Variants in C7 observed in about 807,000 individuals in gnomAD.
C7 encodes complement component C7.
C7 carries 83 observed loss-of-function variants against 104.8 expected under a neutral mutation model. That is an observed-to-expected ratio of 0.79 (90% confidence interval 0.66 to 0.95). The LOEUF (loss-of-function observed/expected upper bound fraction) is 0.95, where lower values mean the gene tolerates loss of function less well. C7 is among the 40% of genes least tolerant of loss of function. The pLI is 0.00. For missense variants in C7, 1,070 were observed against 1,011.2 expected (o/e 1.06, Z -0.79); for synonymous variants, 415 against 360.6 (o/e 1.15, Z -1.71).
chr5:40,972,180 G>A (rs1740711631), intron 14 of C7: 1 of 572,990 alleles, frequency 1.7e-6, no homozygotes, highest in Admixed American at 2.9e-5. Flanking sequence ...GGGGAGGGGT[G>A]GGAGAGGGGG....
rs886249569 is a variant in C7 at position 40,936,029 on chromosome 5, A to G, written c.281-309A>G. On this transcript the variant is annotated intron_variant, in intron 4 of 17. Transcript: ENST00000313164. ...AAGTTGAAGGGCAGGAAGTCAGTCT[A>G]TTTTCTCAGTAGTCGGAATTATATA... 3.9e-5 allele frequency among the ~76,000 whole-genome samples: 6 copies of G among 152,128 alleles called. No individual in the cohort carries two copies. In the East Asian group the frequency reaches 1.2e-3, roughly 29 times the overall value.
rs776697282 is a variant in C7 at position 40,976,767 on chromosome 5, G to C, written c.2092G>C (p.Ala698Pro). 1.4e-5 allele frequency: 23 copies of C among 1,600,854 alleles called. No homozygotes were observed. The South Asian group carries it at 2.6e-4, about 18-fold the overall frequency. ...TTTTTTAGAAAATCCGTTAACACAG[G>C]CAGTGCCTAAATGTCAGCGCTGGGA... ...CVQKENPLTQ[A>P]VPKCQRWEKL... The change falls in exon 16 of 18, where the codon GCA (alanine) becomes CCA (proline). Residue 698 changes from alanine to proline, a missense_variant. Transcript: ENST00000313164.
chr5:40,970,952 A>G (rs776176778), intron 14 of C7, among the ~76,000 whole-genome samples: 10 of 152,286 alleles, frequency 6.6e-5, no homozygotes, highest in Admixed American at 1.3e-4. Flanking sequence ...TCCATGGTGT[A>G]TATGTGCCAT....
At chr5:40,937,246 CA>C (rs1739834898) in intron 5 of C7, 1 of 186,896 alleles carries the variant, frequency 5.4e-6, no homozygotes, top group Non-Finnish European at 1.1e-5. Context: ...AGATTCAATT[CA>C]AAACCAGCTG....
intron 1 of C7, among the ~76,000 whole-genome samples, chr5:40,927,443 C>A (rs1231544159): frequency 6.6e-6 from 1 of 151,904 alleles, no homozygotes; most frequent in Non-Finnish European, 1.5e-5. Context: ...AGACAATGAT[C>A]AGTTTTCAGA....
chr5:40,939,578 T>C lies in C7; in HGVS notation c.567+1888T>C, dbSNP rs115908786. Among the ~76,000 whole-genome samples the C allele has an allele frequency of 9.7e-3, 1,470 of 152,286 alleles. 25 individuals carry two copies. Among genetic ancestry groups the C allele is most frequent in the African/African-American group, 0.034 (1,418 of 41,560 alleles). Reference sequence around the variant, plus strand: ...TAAATTCAACGTGGTGAATAACATGTATTACAATTTAACCTTTGGCCAGAA... The same window carrying C: ...TAAATTCAACGTGGTGAATAACATGCATTACAATTTAACCTTTGGCCAGAA... On this transcript the variant is annotated intron_variant, in intron 6 of 17. Coordinates refer to ENST00000313164, the MANE Select transcript of C7 (RefSeq NM_000587.4).
intron 9 of C7, among the ~76,000 whole-genome samples, chr5:40,952,951 G>A (rs191051891): frequency 2.0e-5 from 3 of 152,004 alleles, no homozygotes; most frequent in East Asian, 1.9e-4. Flanking sequence ...TATGCATGAC[G>A]CTTACCTGGG....
chr5:40,967,994 T>C (rs4279377), intron 14 of C7, among the ~76,000 whole-genome samples: 118,607 of 152,134 alleles, frequency 0.78, 46,310 homozygotes, highest in South Asian at 0.93. Flanking sequence ...CCTAAAACAT[T>C]GCTTCTGTCC....
chr5:40,983,101 A>G lies in C7; in HGVS notation c.*1528A>G, dbSNP rs886988647. 2.6e-5 allele frequency among the ~76,000 whole-genome samples: 4 copies of G among 152,218 alleles called. No homozygotes were observed. Among genetic ancestry groups the G allele is most frequent in the African/African-American group, 9.6e-5 (4 of 41,464 alleles). On this transcript the variant is annotated 3_prime_UTR_variant, in exon 18 of 18. Coordinates refer to ENST00000313164, the MANE Select transcript of C7 (RefSeq NM_000587.4). ...TAATATGTTGAAGTTACAAGGAGGC[A>G]GGTTTCAATTGGTTAAAAACAATGA...
At chr5:40,938,899 A>T (rs868833511) in intron 6 of C7, among the ~76,000 whole-genome samples, 3 of 152,196 alleles carry the variant, frequency 2.0e-5, no homozygotes, top group African/African-American at 4.8e-5. Context: ...AACATGTTGA[A>T]GCAATAGCGG....
At chr5:40,956,321 G>A (rs746078224) in intron 10 of C7, among the ~76,000 whole-genome samples, 3 of 152,174 alleles carry the variant, frequency 2.0e-5, no homozygotes, top group South Asian at 2.1e-4. Context: ...CTAGAAGGAC[G>A]CCAGTCAGAA....
chr5:40,970,638 T>C (rs961214431), intron 14 of C7, among the ~76,000 whole-genome samples: 41 of 152,156 alleles, frequency 2.7e-4, no homozygotes, highest in African/African-American at 9.7e-4. Flanking sequence ...ATGTGTTGAA[T>C]GTGCAGGTTT....
intron 1 of C7, among the ~76,000 whole-genome samples, chr5:40,916,001 C>T (rs1739308426): frequency 6.6e-6 from 1 of 152,000 alleles, no homozygotes; most frequent in Admixed American, 6.6e-5. Flanking sequence ...GTCCTTTATC[C>T]AGAGTTATAA....
chr5:40,964,190 G>A (rs1740493304), intron 13 of C7, among the ~76,000 whole-genome samples: 1 of 151,230 alleles, frequency 6.6e-6, no homozygotes, highest in Admixed American at 6.6e-5. Flanking sequence ...CTACAGGCAT[G>A]CACCACCATG....
chr5:40,946,083 A>G (rs1161663898), intron 7 of C7, among the ~76,000 whole-genome samples: 1 of 151,782 alleles, frequency 6.6e-6, no homozygotes, highest in Admixed American at 6.6e-5. Flanking sequence ...AAAAAATCTA[A>G]TTAATGCTTA....
At position 40,936,463 on chromosome 5, in the gene C7, A is replaced by C; in HGVS notation, c.406A>C (p.Asn136His). The stretch of plus-strand genomic sequence containing the variant: ...CTGTGATATCGATAAACCTCCTCCT[A>C]ACATAGAACTTACTGGAAATGGGTA... ...PSCDIDKPPPNIELTGNGYNE... is the reference protein window; with the variant it reads ...PSCDIDKPPPHIELTGNGYNE... The change falls in exon 5 of 18, where the codon AAC (asparagine) becomes CAC (histidine). Residue 136 changes from asparagine to histidine, a missense_variant. Physicochemically the swap from Asn to His is moderately conservative, Grantham distance 68. Coordinates refer to ENST00000313164, the MANE Select transcript of C7 (RefSeq NM_000587.4). 1.9e-6 allele frequency: 3 copies of C among 1,612,894 alleles called. No homozygotes were observed. In the South Asian group the frequency reaches 3.3e-5, roughly 18 times the overall value.
Position 40,958,248 on chromosome 5 carries a change from A to AGG in C7, c.1478_1479dup (p.Asn494GlyfsTer61). Reference sequence around the variant, plus strand: ...CGGCGTGTGAGCAAGGAGTCCTCGTAGGGAATCAAGCAGGTCAGTGGGGTG... The same window carrying AGG: ...CGGCGTGTGAGCAAGGAGTCCTCGTAGGGGGAATCAAGCAGGTCAGTGGGGTG... On this transcript the variant is annotated frameshift_variant, in exon 11 of 18. Coordinates refer to ENST00000313164, the MANE Select transcript of C7 (RefSeq NM_000587.4). LOFTEE classifies it high-confidence loss of function. The AGG allele has an allele frequency of 6.2e-7, 1 of 1,604,694 alleles. No individual in the cohort carries two copies. The highest frequency in any genetic ancestry group is 8.5e-7 in the Non-Finnish European group (1 of 1,174,534).
chr5:40,953,170 T>A (rs1034020831), intron 9 of C7, among the ~76,000 whole-genome samples: 3 of 152,210 alleles, frequency 2.0e-5, no homozygotes, highest in Admixed American at 1.3e-4. Context: ...TCAGGTGATT[T>A]GTTAAAACTA....
At chr5:40,939,223 T>C (rs1739880047) in intron 6 of C7, among the ~76,000 whole-genome samples, 1 of 152,214 alleles carries the variant, frequency 6.6e-6, no homozygotes, top group African/African-American at 2.4e-5. Context: ...AATAAGTTAG[T>C]TGCATTTAAG....
Sources: allele counts gnomAD v4.1 joint callset (sites outside exome capture counted in the v4.1 genomes callset), GRCh38; gene constraint gnomAD v4.1.1; transcripts MANE v1.5; gene names NCBI Gene and HGNC (gene_info 2026-07-23, HGNC 2026-07-21).